L1CAM: variants seen among roughly 807,000 people sequenced by gnomAD.
L1CAM encodes the protein neural cell adhesion molecule L1.
In L1CAM, 8 loss-of-function variants were observed where a neutral mutation model predicts 93.0. The ratio of observed to expected loss-of-function variants is 0.09; its 90% CI spans 0.05 to 0.16. The LOEUF (loss-of-function observed/expected upper bound fraction) is 0.16, where lower values mean the gene tolerates loss of function less well. Among genes scored for constraint, L1CAM ranks in the 10% least tolerant of loss-of-function variants. The pLI is 1.00. For missense variants in L1CAM, 777 were observed against 1,073.4 expected (o/e 0.72, Z 3.86); for synonymous variants, 453 against 453.0 (o/e 1.00, Z 0.00).
chrX:153,872,354 C>A lies in L1CAM; in HGVS notation c.198G>T (p.Gln66His). ...GGACACCATCCCTCGTCCAGCGGAA[C>A]CTGTGGGCGGAAAAAGGCCCAGAGG... ...KCEASGKPEV[Q>H]FRWTRDGVHF... The change falls in exon 5 of 29, where the codon CAG becomes CAT. Residue 66 changes from glutamine to histidine, a missense_variant and splice_region_variant. By Grantham distance (24) the Gln-to-His change is conservative. Around this residue, in one of 5 missense-constraint regions of L1CAM, gnomAD observed 574 missense variants for 781.0 expected, o/e 0.73. Coordinates refer to ENST00000370060, the MANE Select transcript of L1CAM (RefSeq NM_001278116.2). The A allele has an allele frequency of 1.7e-6, 2 of 1,208,773 alleles. No homozygotes were observed.
At chrX:153,884,867 G>A (rs1000379362) in intron 1 of L1CAM, among the ~76,000 whole-genome samples, 2 of 113,154 alleles carry the variant, frequency 1.8e-5, no homozygotes, top group African/African-American at 6.4e-5. Flanking sequence ...GGACTGCACT[G>A]ATTTACGTCA....
At chrX:153,864,513 G>A (rs782016094) in intron 24 of L1CAM, 36 bp from the exon 25 acceptor site, 7 of 1,207,631 alleles carry the variant, frequency 5.8e-6, no homozygotes, top group Admixed American at 4.4e-5. Flanking sequence ...GGGGTGAGTC[G>A]GAGTGCCAGG....
chrX:153,878,537 G>A (rs1223782387), intron 1 of L1CAM, among the ~76,000 whole-genome samples: 1 of 112,749 alleles, frequency 8.9e-6, no homozygotes, highest in Non-Finnish European at 1.9e-5. Context: ...TGGATCAGGG[G>A]AGGCCCCAGG....
chrX:153,864,989 C>T lies in L1CAM; in HGVS notation c.2878G>A (p.Glu960Lys). ...AAGGACAGTTGCCCCTTGCCCCCCT[C>T]ATCCACTGTGGGGACAGACAGGGGT... ...GYVLSYHPLD[E>K]GGKGQLSFNL... is the part of the protein sequence containing the mutation. The change falls in exon 23 of 29, where the codon GAG (glutamate) becomes AAG (lysine). Residue 960 changes from glutamate (E) to lysine (K), a missense_variant. This residue lies in a region of L1CAM where 71 missense variants were observed against 77.4 expected (regional missense o/e 0.92). Coordinates refer to ENST00000370060, the MANE Select transcript of L1CAM (RefSeq NM_001278116.2). 8.2e-7 allele frequency: 1 copy of T among 1,212,470 alleles called. No homozygotes were observed. The highest frequency in any genetic ancestry group is 1.1e-6 in the Non-Finnish European group (1 of 895,620).
intron 6 of L1CAM, 37 bp downstream of exon 6, chrX:153,871,020 C>T (rs782808985): frequency 6.6e-6 from 8 of 1,211,313 alleles, no homozygotes; most frequent in Non-Finnish European, 7.8e-6. Context: ...CCCGCTAACA[C>T]CCCGACCCCA....
At chrX:153,866,469 A>C (rs1557090888) in intron 19 of L1CAM, among the ~76,000 whole-genome samples, 180 bp downstream of exon 19, 1 of 112,092 alleles carries the variant, frequency 8.9e-6, no homozygotes, top group African/African-American at 3.2e-5. Context: ...ATATAACTGG[A>C]ATACCGCTGC....
intron 1 of L1CAM, among the ~76,000 whole-genome samples, chrX:153,881,007 G>C (rs1320821010): frequency 1.8e-5 from 2 of 112,519 alleles, no homozygotes; most frequent in African/African-American, 3.2e-5. Context: ...TTAACCCTTT[G>C]TGGGGTTCAG....
rs200262847 is a variant in L1CAM, at chrX:153,868,830, G to C, written c.1379+11C>G. 2.7e-5 allele frequency: 32 copies of C among 1,206,019 alleles called. No individual in the cohort carries two copies. Among genetic ancestry groups the C allele is most frequent in the Non-Finnish European group, 3.6e-5 (32 of 890,012 alleles). On this transcript the variant is annotated intron_variant, in intron 12 of 28. Coordinates refer to ENST00000370060, the MANE Select transcript of L1CAM (RefSeq NM_001278116.2). ...ACACGACACTCACCACTACCAGGAC[G>C]AGACACTCACCACTGAACACTGGGC...
At chrX:153,864,049 C>T (rs199995842) in intron 25 of L1CAM, 32 bp from the exon 26 acceptor site, 451 of 1,209,134 alleles carry the variant, frequency 3.7e-4, no homozygotes, top group Non-Finnish European at 5.0e-4. Flanking sequence ...CCCGTGCTGC[C>T]GCCCAAGCCA....
In L1CAM at chrX:153,868,867, G is replaced by T; in HGVS notation, c.1353C>A (p.Phe451Leu). 1 of 1,210,771 alleles carries T rather than the reference G, an allele frequency of 8.3e-7. No homozygotes were observed. The highest frequency in any genetic ancestry group is 1.1e-6 in the Non-Finnish European group (1 of 894,518). The change falls in exon 12 of 29, where the codon TTC becomes TTA. Residue 451 changes from phenylalanine (F) to leucine (L), a missense_variant. By Grantham distance (22) the Phe-to-Leu change is conservative. This residue lies in a region of L1CAM where 574 missense variants were observed against 781.0 expected (regional missense o/e 0.73). Coordinates refer to ENST00000370060, the MANE Select transcript of L1CAM (RefSeq NM_001278116.2). The part of the protein sequence containing the change: ...GSTAYLLCKA[F>L]GAPVPSVQWL... ...ACTGAACACTGGGCACAGGCGCTCC[G>T]AAGGCCTTGCACAGAAGGTAGGCAG...
chrX:153,870,295 C>A, intron 8 of L1CAM, 55 bp from the exon 9 acceptor site: 1 of 1,186,179 alleles, frequency 8.4e-7, no homozygotes. Flanking sequence ...AGGCCAATCA[C>A]CCCAGCCCCC....
Position 153,862,612 on chromosome X carries a change from G to C in L1CAM, c.*51C>G, listed in dbSNP as rs200253632. The C allele has an allele frequency of 2.0e-6, 2 of 1,010,070 alleles. No individual in the cohort carries two copies. Among genetic ancestry groups the C allele is most frequent in the Non-Finnish European group, 2.7e-6 (2 of 727,497 alleles). The allele number at this position is 1,010,070 out of a possible 1,213,427, so 83.2% of individuals were successfully genotyped here. ...CTCCCATGGGCCTGCTGGAGAGGGA[G>C]GGGCCTGGATCCCAAGGCCAGGGGC... On this transcript the variant is annotated 3_prime_UTR_variant, in exon 29 of 29. Coordinates refer to ENST00000370060, the MANE Select transcript of L1CAM (RefSeq NM_001278116.2).
In L1CAM at chrX:153,872,337, T is replaced by C; in HGVS notation, c.215A>G (p.Asp72Gly). ...TTCCTTGGGTTTGAAGTGGACACCA[T>C]CCCTCGTCCAGCGGAACCTGTGGGC... ...KPEVQFRWTR[D>G]GVHFKPKEEL... Residue 72 changes from aspartate to glycine, a missense_variant, in exon 5 of 29, where the codon GAT (aspartate) becomes GGT (glycine). Asp to Gly is a moderately conservative substitution (Grantham distance 94). Coordinates refer to ENST00000370060, the MANE Select transcript of L1CAM (RefSeq NM_001278116.2). The C allele has an allele frequency of 8.3e-7, 1 of 1,207,556 alleles. No homozygotes were observed. The highest frequency in any genetic ancestry group is 1.1e-6 in the Non-Finnish European group (1 of 894,356).
chrX:153,879,800 C>T (rs2064835150), intron 1 of L1CAM, among the ~76,000 whole-genome samples: 1 of 111,546 alleles, frequency 9.0e-6, no homozygotes. Flanking sequence ...GAGGGGGAAG[C>T]ACCCAGAAAA....
intron 5 of L1CAM, 44 bp downstream of exon 5, chrX:153,872,108 G>T (rs201237428): frequency 1.8e-6 from 2 of 1,101,592 alleles, no homozygotes; most frequent in Non-Finnish European, 2.5e-6. Context: ...AATCCCACAC[G>T]AACTCCGGGA....
chrX:153,875,807 A>G lies in L1CAM; in HGVS notation c.30T>C (p.Pro10=). 9.9e-6 allele frequency: 12 copies of G among 1,209,932 alleles called. No homozygotes were observed. Among genetic ancestry groups the G allele is most frequent in the Non-Finnish European group, 1.3e-5 (12 of 895,093 alleles). MVVALRYVW[P]LLLCSPCLLI... ...GCAGGCAGGGGCTGCAGAGGAGGAG[A>G]GGCCACACGTACCGCAGCGCCACGA... is the stretch of plus-strand genomic sequence containing the variant. Residue 10 remains proline (P), a synonymous_variant, in exon 2 of 29, where the codon CCT becomes CCC. Transcript: ENST00000370060.
intron 25 of L1CAM, 74 bp downstream of exon 25, chrX:153,864,248 A>G: frequency 8.9e-7 from 1 of 1,121,938 alleles, no homozygotes; most frequent in Non-Finnish European, 1.2e-6. Context: ...GTGGCCATTC[A>G]GGGGACAGAA....
chrX:153,875,768 G>C lies in L1CAM; in HGVS notation c.69C>G (p.Pro23=). The change falls in exon 2 of 29, where the codon CCC becomes CCG. Residue 23 remains proline, a synonymous_variant. Coordinates refer to ENST00000370060, the MANE Select transcript of L1CAM (RefSeq NM_001278116.2). ...LCSPCLLIQI[P]EEYEGHHVME... is the part of the protein sequence containing the mutation. ...CTCCCTTCAGCTACTCACATTCCTC[G>C]GGGATCTGGATAAGCAGGCAGGGGC... 1 of 1,210,118 alleles carries C rather than the reference G, an allele frequency of 8.3e-7. No individual in the cohort carries two copies. The highest frequency in any genetic ancestry group is 1.1e-6 in the Non-Finnish European group (1 of 894,030).
chrX:153,871,466 C>T (rs965650462), intron 5 of L1CAM, among the ~76,000 whole-genome samples: 3 of 109,307 alleles, frequency 2.7e-5, no homozygotes, highest in East Asian at 2.9e-4. Flanking sequence ...TAGGAAAGGA[C>T]GGGTGGGGGG....
Sources: gnomAD v4.1 joint callset for allele counts (sites outside exome capture counted in the v4.1 genomes callset) on GRCh38, gnomAD v4.1.1 for gene constraint, gnomAD v4.1.1 regional missense constraint, MANE v1.5 for transcripts, NCBI Gene and HGNC (gene_info 2026-07-23, HGNC 2026-07-21) for gene names.